Variants in PPARGC1A observed in about 807,000 individuals in gnomAD.
PPARGC1A encodes PPARG coactivator 1 alpha, also known as peroxisome proliferator-activated receptor gamma coactivator 1-alpha.
A neutral mutation model predicts 88.7 loss-of-function variants in PPARGC1A; 25 were observed. The observed-to-expected ratio is 0.28, with a 90% confidence interval of 0.21 to 0.39. The LOEUF is 0.39. Among genes scored for constraint, PPARGC1A ranks in the 10% least tolerant of loss-of-function variants. The probability of loss-of-function intolerance (pLI) is 1.00; values close to 1 mark genes in which losing one functional copy is unlikely to be tolerated. For missense variants in PPARGC1A, 880 were observed against 968.7 expected, an observed-to-expected ratio of 0.91 and a Z score of 1.22; for synonymous variants, 363 against 355.6, an observed-to-expected ratio of 1.02 and a Z score of -0.24.
chr4:23,866,172 A>T (rs1395015045), intron 2 of PPARGC1A: 1 of 152,236 alleles, frequency 6.6e-6, no homozygotes, highest in Non-Finnish European at 1.5e-5. Context: ...CTTTTAAATT[A>T]CACACTGCAA....
chr4:23,810,387 A>G (rs546008075), intron 10 of PPARGC1A, among the ~76,000 whole-genome samples: 1 of 152,338 alleles, frequency 6.6e-6, no homozygotes, highest in Non-Finnish European at 1.5e-5. Flanking sequence ...TCTAAGAATT[A>G]ACAGAGGAAC....
intron 5 of PPARGC1A, among the ~76,000 whole-genome samples, chr4:23,826,759 C>G (rs948975478): frequency 3.9e-5 from 6 of 151,996 alleles, no homozygotes; most frequent in Non-Finnish European, 7.4e-5. Context: ...CGTTTTGTAC[C>G]TTGCCACAGA....
intron 2 of PPARGC1A, among the ~76,000 whole-genome samples, chr4:23,867,874 C>T (rs539575834): frequency 1.2e-4 from 19 of 152,182 alleles, no homozygotes; most frequent in Middle Eastern, 6.8e-3. Context: ...CAATCGTAAA[C>T]GAGGAAACTA....
the PPARGC1A span, among the ~76,000 whole-genome samples, chr4:24,332,945 A>G: frequency 6.6e-6 from 1 of 152,216 alleles, no homozygotes; most frequent in Non-Finnish European, 1.5e-5. Flanking sequence ...TAAATACTTT[A>G]AAAGTGTAAT....
chr4:24,008,795 T>C, the PPARGC1A span, among the ~76,000 whole-genome samples: 1 of 152,204 alleles, frequency 6.6e-6, no homozygotes, highest in Non-Finnish European at 1.5e-5. Context: ...CTGTTAATTT[T>C]GTTTTTCCTT....
the PPARGC1A span, among the ~76,000 whole-genome samples, chr4:24,327,813 A>G: frequency 6.6e-6 from 1 of 152,174 alleles, no homozygotes; most frequent in Non-Finnish European, 1.5e-5. Flanking sequence ...TTAATATAAG[A>G]AGGCAGGAAT....
chr4:23,926,957 C>A, the PPARGC1A span, among the ~76,000 whole-genome samples: 3 of 152,184 alleles, frequency 2.0e-5, no homozygotes, highest in African/African-American at 7.2e-5. Context: ...AATACATGAT[C>A]TATCTAACAA....
the PPARGC1A span, among the ~76,000 whole-genome samples, chr4:24,283,676 G>C: frequency 1.3e-5 from 2 of 152,172 alleles, no homozygotes; most frequent in Admixed American, 6.5e-5. Context: ...AATCAAGGCA[G>C]TGGAGAGTGG....
chr4:23,883,047 T>C (rs1341076029), intron 2 of PPARGC1A: 1 of 152,160 alleles, frequency 6.6e-6, no homozygotes, highest in Non-Finnish European at 1.5e-5. Context: ...GCATTGTTTA[T>C]TTAATGCAGC....
At chr4:24,310,657 T>C in the PPARGC1A span, among the ~76,000 whole-genome samples, 8 of 152,204 alleles carry the variant, frequency 5.3e-5, no homozygotes, top group Non-Finnish European at 7.3e-5. Flanking sequence ...TGAGTTCAAC[T>C]GAGTTAATTG....
At chr4:24,181,002 G>A in the PPARGC1A span, among the ~76,000 whole-genome samples, 1 of 152,186 alleles carries the variant, frequency 6.6e-6, no homozygotes, top group South Asian at 2.1e-4. Flanking sequence ...CATCTAGCAA[G>A]TAGTTGCAAG....
the PPARGC1A span, among the ~76,000 whole-genome samples, chr4:24,431,659 G>T: frequency 6.6e-6 from 1 of 152,184 alleles, no homozygotes; most frequent in Non-Finnish European, 1.5e-5. Flanking sequence ...AAGGTACTTT[G>T]TGGCCTCATC....
At chr4:24,221,234 A>G in the PPARGC1A span, among the ~76,000 whole-genome samples, 2 of 152,208 alleles carry the variant, frequency 1.3e-5, no homozygotes, top group Admixed American at 1.3e-4. Flanking sequence ...AATTTTTACT[A>G]TATTTTATTA....
the PPARGC1A span, among the ~76,000 whole-genome samples, chr4:24,243,133 C>G: frequency 7.9e-5 from 12 of 152,162 alleles, no homozygotes; most frequent in Admixed American, 5.2e-4. Context: ...CAGCAAAGTA[C>G]CTGGTTCACC....
the PPARGC1A span, among the ~76,000 whole-genome samples, chr4:24,037,486 A>T: frequency 6.6e-6 from 1 of 152,186 alleles, no homozygotes; most frequent in South Asian, 2.1e-4. Context: ...ATCTTTTCAG[A>T]TCACATAGAA....
At chr4:24,187,292 C>T in the PPARGC1A span, among the ~76,000 whole-genome samples, 1 of 152,154 alleles carries the variant, frequency 6.6e-6, no homozygotes, top group Non-Finnish European at 1.5e-5. Context: ...TCATAGCCAT[C>T]AGATGAGGGG....
At chr4:24,154,152 T>G in the PPARGC1A span, among the ~76,000 whole-genome samples, 1 of 152,198 alleles carries the variant, frequency 6.6e-6, no homozygotes, top group South Asian at 2.1e-4. Flanking sequence ...CAAGTAGTTG[T>G]CCAAACCTAC....
At chr4:24,332,356 C>T in the PPARGC1A span, among the ~76,000 whole-genome samples, 10 of 152,042 alleles carry the variant, frequency 6.6e-5, no homozygotes, top group South Asian at 2.1e-4. Flanking sequence ...AGGCTTAGTA[C>T]GACATGCATT....
At chr4:24,049,733 T>C in the PPARGC1A span, among the ~76,000 whole-genome samples, 1 of 152,150 alleles carries the variant, frequency 6.6e-6, no homozygotes, top group African/African-American at 2.4e-5. Flanking sequence ...CCTTTTTCAT[T>C]ATCTAAGACC....
Sources: gnomAD v4.1 joint callset for allele counts (sites outside exome capture counted in the v4.1 genomes callset) on GRCh38, gnomAD v4.1.1 for gene constraint, MANE v1.5 for transcripts, NCBI Gene and HGNC (gene_info 2026-07-23, HGNC 2026-07-21) for gene names.